The following SYT1 variants were observed in gnomAD, a reference collection of about 807,000 sequenced individuals.
SYT1 encodes synaptotagmin 1, also known as synaptotagmin-1.
A neutral mutation model predicts 44.8 loss-of-function variants in SYT1; 8 were observed. The ratio of observed to expected loss-of-function variants is 0.18; its 90% CI spans 0.10 to 0.32. The LOEUF (loss-of-function observed/expected upper bound fraction) is 0.32. Among genes scored for constraint, SYT1 ranks in the 10% least tolerant of loss-of-function variants. The probability of loss-of-function intolerance (pLI) is 1.00; values close to 1 mark genes in which losing one functional copy is unlikely to be tolerated. For synonymous variants in SYT1, 154 were observed against 188.8 expected, an observed-to-expected ratio of 0.82 and a Z score of 1.51; for missense variants, 286 against 509.3, an observed-to-expected ratio of 0.56 and a Z score of 4.22.
At chr12:79,020,021 C>G (rs938750329) in intron 2 of SYT1, among the ~76,000 whole-genome samples, 36 of 151,948 alleles carry the variant, frequency 2.4e-4, no homozygotes, top group Non-Finnish European at 4.6e-4. Context: ...AGAATGAATA[C>G]TGCATTCCAA....
chr12:78,911,580 TC>T (rs748860684), intron 1 of SYT1, among the ~76,000 whole-genome samples: 1 of 150,060 alleles, frequency 6.7e-6, no homozygotes, highest in Non-Finnish European at 1.5e-5. Flanking sequence ...AAAAAAACAG[TC>T]TCCTTTGAGA....
chr12:79,338,325 G>A (rs1222678695), intron 8 of SYT1, among the ~76,000 whole-genome samples: 1 of 149,106 alleles, frequency 6.7e-6, no homozygotes, highest in Non-Finnish European at 1.5e-5. Context: ...CACCCAGGCT[G>A]GAGGGCAGTG....
chr12:79,253,721 C>T (rs1877362150), intron 4 of SYT1, among the ~76,000 whole-genome samples: 1 of 152,082 alleles, frequency 6.6e-6, no homozygotes, highest in African/African-American at 2.4e-5. Flanking sequence ...CTAGTCATCT[C>T]GCACAACTTA....
chr12:79,346,298 G>A (rs1279243641), intron 8 of SYT1, among the ~76,000 whole-genome samples: 1 of 152,110 alleles, frequency 6.6e-6, no homozygotes, highest in East Asian at 1.9e-4. Flanking sequence ...TCATTAATTT[G>A]TGTCTATTCA....
At chr12:79,349,878 A>T (rs943767575) in intron 8 of SYT1, among the ~76,000 whole-genome samples, 37 of 152,176 alleles carry the variant, frequency 2.4e-4, no homozygotes, top group African/African-American at 8.9e-4. Context: ...TTTGATGTAA[A>T]ACTGTTCATA....
intron 4 of SYT1, among the ~76,000 whole-genome samples, chr12:79,247,899 G>C (rs1876949388): frequency 6.6e-6 from 1 of 152,192 alleles, no homozygotes; most frequent in Admixed American, 6.5e-5. Context: ...AAAGTAATAA[G>C]AGCCATCTTG....
intron 2 of SYT1, among the ~76,000 whole-genome samples, chr12:79,000,840 T>G (rs974442781): frequency 7.9e-5 from 12 of 152,194 alleles, no homozygotes; most frequent in Admixed American, 2.0e-4. Context: ...GTTTACCTTT[T>G]AACATCAATA....
At chr12:79,040,876 A>G (rs1333855563) in intron 2 of SYT1, among the ~76,000 whole-genome samples, 1 of 150,244 alleles carries the variant, frequency 6.7e-6, no homozygotes, top group Non-Finnish European at 1.5e-5. Flanking sequence ...TTTATTAAAT[A>G]GGGAATCCTT....
At chr12:79,002,046 A>G (rs1257723865) in intron 2 of SYT1, among the ~76,000 whole-genome samples, 1 of 152,150 alleles carries the variant, frequency 6.6e-6, no homozygotes, top group African/African-American at 2.4e-5. Context: ...TAAAATAACT[A>G]AAATATTTAA....
At position 79,153,885 on chromosome 12, in the gene SYT1, T is replaced by A. The variant is rs1870431332; in HGVS notation, c.-17-63618T>A. 2.0e-5 allele frequency among the ~76,000 whole-genome samples: 3 copies of A among 152,128 alleles called. No individual in the cohort carries two copies. In the South Asian group the frequency reaches 6.2e-4, roughly 31 times the overall value. ...GTTTATCAGTTGGATATAAAACATG[T>A]ACCCACATGGAAATCACTGTTGCTA... On this transcript the variant is annotated intron_variant, in intron 3 of 10. Transcript: ENST00000261205.
At chr12:79,201,720 A>T (rs191236087) in intron 3 of SYT1, among the ~76,000 whole-genome samples, 23 of 152,310 alleles carry the variant, frequency 1.5e-4, no homozygotes, top group African/African-American at 5.5e-4. Context: ...CTTGAGCTAC[A>T]CAATAGGAAA....
intron 3 of SYT1, among the ~76,000 whole-genome samples, chr12:79,125,469 T>C (rs1868379620): frequency 8.4e-6 from 1 of 118,648 alleles, no homozygotes; most frequent in Non-Finnish European, 1.8e-5. Context: ...AAAAAAAAAT[T>C]AGCTGTGTGT....
At chr12:78,952,502 G>A (rs1879018284) in intron 1 of SYT1, among the ~76,000 whole-genome samples, 1 of 152,024 alleles carries the variant, frequency 6.6e-6, no homozygotes. Context: ...TTTCAAATTC[G>A]GCATGGACTG....
intron 8 of SYT1, among the ~76,000 whole-genome samples, chr12:79,345,961 T>G (rs1882588019): frequency 1.3e-5 from 2 of 152,194 alleles, no homozygotes; most frequent in South Asian, 4.1e-4. Flanking sequence ...AAGAATCTGT[T>G]GCCAATTTAA....
intron 9 of SYT1, 78 bp downstream of exon 9, chr12:79,353,697 A>C: frequency 2.0e-6 from 2 of 1,015,294 alleles, no homozygotes; most frequent in African/African-American, 1.6e-5. Flanking sequence ...ACATGCTGCG[A>C]CTCCCCACTT....
chr12:79,039,276 T>C (rs1873351615), intron 2 of SYT1, among the ~76,000 whole-genome samples: 1 of 152,062 alleles, frequency 6.6e-6, no homozygotes. Context: ...ATATAATATT[T>C]TGTGAAAAAC....
At chr12:79,042,516 T>C (rs1417021352) in intron 2 of SYT1, among the ~76,000 whole-genome samples, 7 of 146,120 alleles carry the variant, frequency 4.8e-5, no homozygotes, top group African/African-American at 7.6e-5. Context: ...TCTTCTCTCT[T>C]TTTTTCTTTA....
At chr12:79,406,046 A>G (rs1039348375) in intron 9 of SYT1, among the ~76,000 whole-genome samples, 3 of 152,170 alleles carry the variant, frequency 2.0e-5, no homozygotes, top group Non-Finnish European at 4.4e-5. Context: ...ATGGTTTAAA[A>G]AAATTAATAT....
chr12:79,284,343 A>G (rs1187174968), intron 4 of SYT1, among the ~76,000 whole-genome samples: 1 of 152,156 alleles, frequency 6.6e-6, no homozygotes, highest in Non-Finnish European at 1.5e-5. Context: ...ATGTTCTATT[A>G]TTTTAAACAG....
Sources: allele counts gnomAD v4.1 joint callset (sites outside exome capture counted in the v4.1 genomes callset), GRCh38; gene constraint gnomAD v4.1.1; transcripts MANE v1.5; gene names NCBI Gene and HGNC (gene_info 2026-07-23, HGNC 2026-07-21).